The following MARCHF1 variants were observed in gnomAD, a reference collection of about 807,000 sequenced individuals.
MARCHF1 encodes the protein membrane associated ring-CH-type finger 1.
MARCHF1 carries 40 observed loss-of-function variants against 54.2 expected under a neutral mutation model. The ratio of observed to expected loss-of-function variants is 0.74; its 90% CI spans 0.57 to 0.96. The LOEUF is 0.96. Ranked by LOEUF, MARCHF1 falls within the 40% of genes least tolerant of loss-of-function variation. The pLI, the probability that MARCHF1 is intolerant of heterozygous loss-of-function variation, is 0.00. For synonymous variants in MARCHF1, 236 were observed against 236.3 expected, an observed-to-expected ratio of 1.00 and a Z score of 0.01; for missense variants, 586 against 656.5, an observed-to-expected ratio of 0.89 and a Z score of 1.17.
chr4:163,607,170 A>C (rs140889839), intron 7 of MARCHF1, among the ~76,000 whole-genome samples: 1 of 152,114 alleles, frequency 6.6e-6, no homozygotes, highest in Non-Finnish European at 1.5e-5. Flanking sequence ...TGTGGTTAAC[A>C]TACCCCTTTC....
intron 1 of MARCHF1, among the ~76,000 whole-genome samples, chr4:164,145,657 T>C (rs540865802): frequency 5.7e-4 from 87 of 152,152 alleles, no homozygotes; most frequent in African/African-American, 2.0e-3. Context: ...AATTAGGTAT[T>C]GATGGGACAT....
intron 2 of MARCHF1, among the ~76,000 whole-genome samples, chr4:164,030,157 A>T (rs1275953200): frequency 6.6e-6 from 1 of 152,084 alleles, no homozygotes; most frequent in Non-Finnish European, 1.5e-5. Context: ...AAGGGTTCGT[A>T]TATTTAAAAT....
chr4:163,754,200 G>T (rs1242504921), intron 4 of MARCHF1, among the ~76,000 whole-genome samples: 2 of 152,078 alleles, frequency 1.3e-5, no homozygotes, highest in Non-Finnish European at 2.9e-5. Context: ...TATTACTCTT[G>T]GTTCAAGCCG....
intron 3 of MARCHF1, among the ~76,000 whole-genome samples, chr4:163,983,965 T>G (rs201895994): frequency 5.3e-5 from 2 of 37,440 alleles, no homozygotes; most frequent in Non-Finnish European, 2.0e-4. Flanking sequence ...TTACTAAAAA[T>G]TTTTTTTTAG....
chr4:163,805,798 T>C (rs1327016224), intron 4 of MARCHF1, among the ~76,000 whole-genome samples: 12 of 146,686 alleles, frequency 8.2e-5, no homozygotes, highest in Admixed American at 8.1e-4. Context: ...TGGATTTCAA[T>C]GGTCACGATA....
chr4:164,149,660 G>T (rs1406963081), intron 1 of MARCHF1, among the ~76,000 whole-genome samples: 4 of 152,030 alleles, frequency 2.6e-5, no homozygotes, highest in African/African-American at 7.2e-5. Context: ...TTAGATTCGG[G>T]TCAGTAGTAA....
At chr4:164,189,798 A>T in intron 1 of MARCHF1, 1 of 1,570,514 alleles carries the variant, frequency 6.4e-7, no homozygotes, top group African/African-American at 1.3e-5. Context: ...GACAAAAGAC[A>T]TTCATCTTCT....
intron 8 of MARCHF1, among the ~76,000 whole-genome samples, chr4:163,576,831 T>TA (rs1740056287): frequency 6.6e-6 from 1 of 151,884 alleles, no homozygotes; most frequent in Non-Finnish European, 1.5e-5. Context: ...TGTTTTTTTT[T>TA]AACTATTGGT....
At chr4:163,609,348 A>G (rs1741246644) in intron 7 of MARCHF1, among the ~76,000 whole-genome samples, 1 of 151,976 alleles carries the variant, frequency 6.6e-6, no homozygotes, top group African/African-American at 2.4e-5. Flanking sequence ...TGTTGTCCCA[A>G]GTTCCAAGAT....
At chr4:163,767,012 TA>T (rs1380014369) in intron 4 of MARCHF1, among the ~76,000 whole-genome samples, 1 of 151,410 alleles carries the variant, frequency 6.6e-6, no homozygotes, top group Non-Finnish European at 1.5e-5. Context: ...CATTAGGACA[TA>T]TTTTTTTCAT....
intron 1 of MARCHF1, among the ~76,000 whole-genome samples, chr4:164,226,669 A>G (rs930202672): frequency 3.9e-5 from 6 of 152,040 alleles, no homozygotes; most frequent in African/African-American, 7.2e-5. Flanking sequence ...GTGTGTGTGT[A>G]TATATATAAA....
rs548185163 is a variant in MARCHF1, at chr4:164,036,852, G to GA, written c.-247-48144dup. Among the ~76,000 whole-genome samples the GA allele has an allele frequency of 3.5e-3, 528 of 151,782 alleles. 1 individual carries two copies. The highest frequency in any genetic ancestry group is 0.012 in the African/African-American group (503 of 41,452). ...CTGGGGTGGGGGGCAATGTAATTTT[G>GA]AAAAAAATGGGTATTATCTAATGGT... is the stretch of plus-strand genomic sequence containing the variant. On this transcript the variant is annotated intron_variant, in intron 2 of 9. Coordinates refer to ENST00000514618, the MANE Select transcript of MARCHF1 (RefSeq NM_001394959.1).
intron 1 of MARCHF1, among the ~76,000 whole-genome samples, chr4:164,243,314 G>GGCCA (rs1732834523): frequency 7.1e-6 from 1 of 140,642 alleles, no homozygotes; most frequent in South Asian, 2.5e-4. Flanking sequence ...AGAGAGTGGG[G>GGCCA]GCCAATATTC....
intron 7 of MARCHF1, among the ~76,000 whole-genome samples, chr4:163,597,028 T>A (rs1010199749): frequency 6.6e-6 from 1 of 152,194 alleles, no homozygotes; most frequent in African/African-American, 2.4e-5. Context: ...CAATCTCGGC[T>A]CACTGCAATC....
intron 4 of MARCHF1, among the ~76,000 whole-genome samples, chr4:163,717,292 C>T (rs796365627): frequency 2.0e-5 from 3 of 151,284 alleles, no homozygotes; most frequent in Non-Finnish European, 4.4e-5. Context: ...TGATGGTTTC[C>T]AGCTTCATCC....
At chr4:163,632,656 A>C (rs1343253920) in intron 5 of MARCHF1, among the ~76,000 whole-genome samples, 1 of 152,210 alleles carries the variant, frequency 6.6e-6, no homozygotes, top group Admixed American at 6.5e-5. Flanking sequence ...GCAAGGCGGC[A>C]GCGAGGCTGG....
At chr4:163,885,544 A>G (rs1750510915) in intron 3 of MARCHF1, among the ~76,000 whole-genome samples, 1 of 152,136 alleles carries the variant, frequency 6.6e-6, no homozygotes, top group African/African-American at 2.4e-5. Context: ...CAAAATTACT[A>G]TTTGAAAGAT....
chr4:164,095,231 C>T (rs1032768946), intron 2 of MARCHF1, among the ~76,000 whole-genome samples: 4 of 152,056 alleles, frequency 2.6e-5, no homozygotes, highest in Admixed American at 6.6e-5. Context: ...CATTAGCCAC[C>T]ACTCAATAGC....
chr4:163,857,306 C>T (rs1749795735), intron 3 of MARCHF1, among the ~76,000 whole-genome samples: 1 of 152,044 alleles, frequency 6.6e-6, no homozygotes, highest in Admixed American at 6.6e-5. Context: ...GTTGAGAGAA[C>T]TGAAGAATTG....
Sources: gnomAD v4.1 joint callset for allele counts (sites outside exome capture counted in the v4.1 genomes callset) on GRCh38, gnomAD v4.1.1 for gene constraint, MANE v1.5 for transcripts, NCBI Gene and HGNC (gene_info 2026-07-23, HGNC 2026-07-21) for gene names.